SRRM4: variants seen among roughly 807,000 people sequenced by gnomAD.
The protein encoded by SRRM4 is serine/arginine repetitive matrix 4.
In SRRM4, 33 loss-of-function variants were observed where a neutral mutation model predicts 68.9. That is an observed-to-expected ratio of 0.48 (90% CI 0.36 to 0.64). The LOEUF (loss-of-function observed/expected upper bound fraction) is 0.64, where lower values mean the gene tolerates loss of function less well. Ranked by LOEUF, SRRM4 falls within the 30% of genes least tolerant of loss-of-function variation. The pLI is 0.00. For missense variants in SRRM4, 817 were observed against 827.1 expected (o/e 0.99, Z 0.15); for synonymous variants, 318 against 318.8 (o/e 1.00, Z 0.03).
At chr12:119,070,219 A>G (rs1006309626) in intron 1 of SRRM4, among the ~76,000 whole-genome samples, 2 of 3,230 alleles carry the variant, frequency 6.2e-4, no homozygotes, top group Non-Finnish European at 2.3e-3. Flanking sequence ...ACAGGTGAGA[A>G]AAAAAAAAAA....
rs1368980215 is a variant in SRRM4, at chr12:119,156,789, G to C, written c.1827G>C (p.Thr609=). 6.5e-7 allele frequency: 1 copy of C among 1,530,840 alleles called. No individual in the cohort carries two copies. Among genetic ancestry groups the C allele is most frequent in the Admixed American group, 2.0e-5 (1 of 50,322 alleles). 94.8% of individuals were successfully genotyped at this position (1,530,840 alleles called of 1,614,324 possible). Residue 609 remains threonine (T), a synonymous_variant, in exon 13 of 13, where the codon ACG becomes ACC. Coordinates refer to ENST00000267260, the MANE Select transcript of SRRM4 (RefSeq NM_194286.4). ...SYSSADSYSS[T]RR Reference sequence around the variant, plus strand: ...GCTCAGCAGACAGCTACTCCAGCACGAGGCGCTAAGTGCCCCTGAGCCAGC... The same window carrying C: ...GCTCAGCAGACAGCTACTCCAGCACCAGGCGCTAAGTGCCCCTGAGCCAGC...
Position 118,981,746 on chromosome 12 carries a change from A to G in SRRM4, c.-137A>G. Reference sequence around the variant, plus strand: ...CTGGGGCGTCCCATCCCCCGCCCTGAACTCCGATCTCTCCCACCCCACCCC... The same window carrying G: ...CTGGGGCGTCCCATCCCCCGCCCTGGACTCCGATCTCTCCCACCCCACCCC... On this transcript the variant is annotated 5_prime_UTR_variant, in exon 1 of 13. Transcript: ENST00000267260. 1 of 759,974 alleles carries G rather than the reference A, an allele frequency of 1.3e-6. No homozygotes were observed. Among genetic ancestry groups the G allele is most frequent in the Non-Finnish European group, 2.0e-6 (1 of 502,920 alleles). 47.1% of individuals were successfully genotyped at this position (759,974 alleles called of 1,614,324 possible). A position where few individuals can be genotyped will look rare whatever the true frequency, so the allele number is the denominator to read the frequency against.
At chr12:119,071,982 C>T (rs2136026563) in intron 1 of SRRM4, among the ~76,000 whole-genome samples, 1 of 152,316 alleles carries the variant, frequency 6.6e-6, no homozygotes. Flanking sequence ...GCTCATGTTT[C>T]AGAGTAAAGC....
chr12:119,129,777 GTGGATGAA>G, intron 7 of SRRM4, among the ~76,000 whole-genome samples: 1 of 152,188 alleles, frequency 6.6e-6, no homozygotes, highest in East Asian at 1.9e-4. Context: ...GGATGGATAG[GTGGATGAA>G]TGGATGAATA....
At chr12:119,115,077 T>C (rs1744830031) in intron 3 of SRRM4, among the ~76,000 whole-genome samples, 2 of 151,876 alleles carry the variant, frequency 1.3e-5, no homozygotes, top group South Asian at 4.2e-4. Flanking sequence ...GACCATTGTC[T>C]ACCAGGAAAG....
At position 119,154,305 on chromosome 12, in the gene SRRM4, G is replaced by A. The variant is rs1316561123; in HGVS notation, c.1454G>A (p.Arg485Gln). The A allele has an allele frequency of 1.2e-6, 2 of 1,612,054 alleles. No individual in the cohort carries two copies. The highest frequency in any genetic ancestry group is 1.3e-5 in the African/African-American group (1 of 74,912). The change falls in exon 12 of 13, where the codon CGG (arginine) becomes CAG (glutamine). Residue 485 changes from arginine (R) to glutamine (Q), a missense_variant. Coordinates refer to ENST00000267260, the MANE Select transcript of SRRM4 (RefSeq NM_194286.4). The surrounding 1 kb of genome is among the most constrained non-coding windows in gnomAD (Gnocchi z 4.7). ...CAGCGGGAGCGCGAGCGAGCGCGTC[G>A]GAGACGTCGGTCCTACTCGCCTATG... ...SQQRERERARRRRRSYSPMRK... is the reference protein window; with the variant it reads ...SQQRERERARQRRRSYSPMRK...
intron 7 of SRRM4, among the ~76,000 whole-genome samples, chr12:119,126,496 C>G (rs1180209228): frequency 6.6e-6 from 1 of 152,160 alleles, no homozygotes; most frequent in African/African-American, 2.4e-5. Flanking sequence ...GAACATGGCT[C>G]TAGACTTCAC....
intron 1 of SRRM4, among the ~76,000 whole-genome samples, chr12:119,005,283 A>G: frequency 6.6e-6 from 1 of 152,160 alleles, no homozygotes; most frequent in East Asian, 1.9e-4. Flanking sequence ...ACTGAGGGAA[A>G]CTCAGCTGTC....
At chr12:118,997,500 T>C (rs953196466) in intron 1 of SRRM4, among the ~76,000 whole-genome samples, 1 of 152,238 alleles carries the variant, frequency 6.6e-6, no homozygotes, top group African/African-American at 2.4e-5. Flanking sequence ...AGGCAATCTC[T>C]TTCTGTTCTG....
Position 119,125,375 on chromosome 12 carries a change from C to T in SRRM4, c.516-6C>T, listed in dbSNP as rs754765185. On this transcript the variant is annotated splice_region_variant and splice_polypyrimidine_tract_variant and intron_variant, in intron 6 of 12. Transcript: ENST00000267260. The stretch of plus-strand genomic sequence containing the variant: ...CCTCTGACTCGTTCCTTCTCATCCC[C>T]CCAAGATCTCGAAGCCGGCCCCGAA... The T allele has an allele frequency of 3.1e-6, 5 of 1,612,252 alleles. No homozygotes were observed. Among genetic ancestry groups the T allele is most frequent in the Admixed American group, 1.7e-5 (1 of 59,830 alleles).
At chr12:119,044,732 A>G (rs912361752) in intron 1 of SRRM4, among the ~76,000 whole-genome samples, 3 of 152,002 alleles carry the variant, frequency 2.0e-5, no homozygotes, top group Non-Finnish European at 4.4e-5. Context: ...AAATATCTAG[A>G]AAAAAAAGCC....
At chr12:119,047,243 C>A (rs901117744) in intron 1 of SRRM4, among the ~76,000 whole-genome samples, 6 of 152,176 alleles carry the variant, frequency 3.9e-5, no homozygotes, top group African/African-American at 1.4e-4. Context: ...GTACATTTGT[C>A]AGCTAATGCC....
At chr12:119,085,864 A>G (rs1953976842) in intron 1 of SRRM4, among the ~76,000 whole-genome samples, 1 of 152,062 alleles carries the variant, frequency 6.6e-6, no homozygotes, top group Non-Finnish European at 1.5e-5. Flanking sequence ...GAGAAAGAGG[A>G]TGGAGGGTGG....
intron 1 of SRRM4, among the ~76,000 whole-genome samples, chr12:118,988,242 A>G (rs1397424637): frequency 2.0e-5 from 3 of 152,220 alleles, no homozygotes; most frequent in Non-Finnish European, 4.4e-5. Flanking sequence ...CTTCTATTTC[A>G]TCAACGTTAT....
In SRRM4 at chr12:119,003,200, CTA is replaced by C. The variant is rs1029585355; in HGVS notation, c.131+21189_131+21190del. Among the ~76,000 whole-genome samples, 5 of 151,788 alleles carry C rather than the reference CTA, an allele frequency of 3.3e-5. No homozygotes were observed. In the South Asian group the frequency reaches 1.0e-3, roughly 32 times the overall value. Reference sequence around the variant, plus strand: ...AAGAAGGCTAGGCTTGGGCTGCAACCTATGTTCGAAGACCAGGGGCAAGTAGA... The same window carrying C: ...AAGAAGGCTAGGCTTGGGCTGCAACCTGTTCGAAGACCAGGGGCAAGTAGA... On this transcript the variant is annotated intron_variant, in intron 1 of 12. Coordinates refer to ENST00000267260, the MANE Select transcript of SRRM4 (RefSeq NM_194286.4).
intron 1 of SRRM4, among the ~76,000 whole-genome samples, chr12:119,013,635 A>C (rs932589678): frequency 1.3e-5 from 2 of 152,064 alleles, no homozygotes; most frequent in Non-Finnish European, 2.9e-5. Flanking sequence ...TGTATTTTGG[A>C]TTTTTAAAAT....
chr12:119,145,536 G>A lies in SRRM4; in HGVS notation c.927G>A (p.Lys309=), dbSNP rs753012435. 7.5e-6 allele frequency: 12 copies of A among 1,608,286 alleles called. No individual in the cohort carries two copies. Among genetic ancestry groups the A allele is most frequent in the Admixed American group, 5.1e-5 (3 of 59,342 alleles). The part of the protein sequence containing the change: ...TSSARSRGQE[K]GSPSGGLSKS... ...CAGCCAGGTCTCGGGGCCAGGAGAA[G>A]GGGAGCCCCAGTGGGGGCTTGAGCA... Residue 309 remains lysine, a synonymous_variant, in exon 9 of 13, where the codon AAG becomes AAA. Coordinates refer to ENST00000267260, the MANE Select transcript of SRRM4 (RefSeq NM_194286.4).
chr12:119,066,833 C>T (rs751276027), intron 1 of SRRM4, among the ~76,000 whole-genome samples: 1 of 152,334 alleles, frequency 6.6e-6, no homozygotes, highest in Non-Finnish European at 1.5e-5. Context: ...CCTGCAAAGG[C>T]ATCCTACCTG....
intron 1 of SRRM4, among the ~76,000 whole-genome samples, chr12:118,996,432 A>G (rs1190268501): frequency 6.6e-6 from 1 of 152,216 alleles, no homozygotes; most frequent in East Asian, 1.9e-4. Flanking sequence ...AATTTTCTCT[A>G]TTCTCAAGTT....
Sources: allele counts gnomAD v4.1 joint callset (sites outside exome capture counted in the v4.1 genomes callset), GRCh38; gene constraint gnomAD v4.1.1; non-coding constraint Gnocchi (gnomAD v3.1); transcripts MANE v1.5; gene names NCBI Gene and HGNC (gene_info 2026-07-23, HGNC 2026-07-21).